LDLRAD4: variants seen among roughly 807,000 people sequenced by gnomAD.
The protein encoded by LDLRAD4 is low-density lipoprotein receptor class A domain-containing protein 4.
In LDLRAD4, 5 loss-of-function variants were observed where a neutral mutation model predicts 17.0. The observed-to-expected ratio is 0.29, with a 90% confidence interval of 0.15 to 0.62. The LOEUF is 0.62. LDLRAD4 is among the 20% of genes least tolerant of loss of function. The pLI, the probability that LDLRAD4 is intolerant of heterozygous loss-of-function variation, is 0.84. For missense variants in LDLRAD4, 340 were observed against 424.7 expected, an observed-to-expected ratio of 0.80 and a Z score of 1.75; for synonymous variants, 168 against 171.8, an observed-to-expected ratio of 0.98 and a Z score of 0.17.
intron 3 of LDLRAD4, among the ~76,000 whole-genome samples, chr18:13,507,364 T>A (rs1044876959): frequency 1.3e-5 from 2 of 152,206 alleles, no homozygotes; most frequent in Non-Finnish European, 2.9e-5. Flanking sequence ...ATATCATTCT[T>A]ATGCCTTTGC....
intron 3 of LDLRAD4, among the ~76,000 whole-genome samples, chr18:13,555,566 T>C (rs1456841887): frequency 6.6e-6 from 1 of 152,208 alleles, no homozygotes; most frequent in Non-Finnish European, 1.5e-5. Flanking sequence ...TAAAATGGGC[T>C]AGAAAATGCA....
At chr18:13,342,642 A>G (rs560589972) in intron 1 of LDLRAD4, among the ~76,000 whole-genome samples, 2 of 151,766 alleles carry the variant, frequency 1.3e-5, no homozygotes, top group African/African-American at 4.8e-5. Context: ...ATATTAGTAT[A>G]GCCACCACTG....
chr18:13,378,487 G>A (rs981846571), intron 1 of LDLRAD4, among the ~76,000 whole-genome samples: 6 of 152,146 alleles, frequency 3.9e-5, no homozygotes, highest in East Asian at 1.9e-4. Flanking sequence ...GAAAAGAGAC[G>A]GAAGAACAGC....
rs538090929 is a variant in LDLRAD4 at position 13,623,514 on chromosome 18, G to A, written c.336+2243G>A. On this transcript the variant is annotated intron_variant, in intron 4 of 5. Transcript: ENST00000359446. ...GGGAGCTGTCCCTCCTCGAGGTGTGGCTGTTCCTCCTACGGCTTCAGCGTA... is the reference window on the plus strand; with the variant it reads ...GGGAGCTGTCCCTCCTCGAGGTGTGACTGTTCCTCCTACGGCTTCAGCGTA... 7.9e-5 allele frequency among the ~76,000 whole-genome samples: 12 copies of A among 152,332 alleles called. No individual in the cohort carries two copies. The South Asian group carries it at 2.3e-3, about 29-fold the overall frequency.
At chr18:13,570,531 G>A (rs1264558390) in intron 3 of LDLRAD4, among the ~76,000 whole-genome samples, 2 of 152,210 alleles carry the variant, frequency 1.3e-5, no homozygotes, top group African/African-American at 2.4e-5. Flanking sequence ...GTCTCAGCCG[G>A]GGACCTCCTT....
intron 3 of LDLRAD4, among the ~76,000 whole-genome samples, chr18:13,463,614 C>G (rs2146610293): frequency 6.6e-6 from 1 of 152,276 alleles, no homozygotes; most frequent in African/African-American, 2.4e-5. Context: ...ACCTCATTCA[C>G]ACGATTCTGA....
intron 2 of LDLRAD4, among the ~76,000 whole-genome samples, chr18:13,413,493 C>T (rs1361112453): frequency 6.6e-6 from 1 of 152,162 alleles, no homozygotes; most frequent in East Asian, 1.9e-4. Flanking sequence ...TGTGATCAAT[C>T]GAGGCCTCAG....
chr18:13,230,386 G>GGA (rs941054057), intron 1 of LDLRAD4, among the ~76,000 whole-genome samples: 5 of 152,170 alleles, frequency 3.3e-5, no homozygotes, highest in African/African-American at 1.2e-4. Flanking sequence ...GAACAAACAG[G>GGA]GAAAGAGTAA....
intron 3 of LDLRAD4, among the ~76,000 whole-genome samples, chr18:13,449,835 A>G (rs544992623): frequency 5.3e-4 from 81 of 152,292 alleles, no homozygotes; most frequent in African/African-American, 1.9e-3. Flanking sequence ...AGGCCCTTGC[A>G]TGCCAGCTGT....
intron 4 of LDLRAD4, among the ~76,000 whole-genome samples, chr18:13,640,436 GC>G (rs1295706708): frequency 6.6e-6 from 1 of 152,046 alleles, no homozygotes; most frequent in African/African-American, 2.4e-5. Context: ...CCATCTCCAG[GC>G]CATCCCGTCT....
At chr18:13,427,837 C>T (rs1335552384) in intron 2 of LDLRAD4, among the ~76,000 whole-genome samples, 1 of 152,024 alleles carries the variant, frequency 6.6e-6, no homozygotes, top group Non-Finnish European at 1.5e-5. Context: ...TCTTTTATCT[C>T]CTTCCTGCCT....
chr18:13,558,851 C>A (rs1231973811), intron 3 of LDLRAD4, among the ~76,000 whole-genome samples: 1 of 152,202 alleles, frequency 6.6e-6, no homozygotes, highest in Non-Finnish European at 1.5e-5. Flanking sequence ...CAACAGTAAG[C>A]ATTACATAAC....
chr18:13,463,448 A>C (rs952123133), intron 3 of LDLRAD4, among the ~76,000 whole-genome samples: 1 of 152,218 alleles, frequency 6.6e-6, no homozygotes, highest in African/African-American at 2.4e-5. Flanking sequence ...CGTTGCCCTA[A>C]GTTAACACTA....
At chr18:13,240,090 T>C (rs1044610884) in intron 1 of LDLRAD4, 4 of 152,228 alleles carry the variant, frequency 2.6e-5, no homozygotes, top group Non-Finnish European at 4.4e-5. Flanking sequence ...GCCTTGGACA[T>C]AGAAACTCAT....
intron 3 of LDLRAD4, among the ~76,000 whole-genome samples, chr18:13,514,210 T>C (rs1016234382): frequency 9.2e-5 from 14 of 152,172 alleles, no homozygotes; most frequent in Non-Finnish European, 1.5e-4. Flanking sequence ...AAGTCCTGGG[T>C]TGTATCCTGA....
chr18:13,629,891 TC>T (rs771692588), intron 4 of LDLRAD4, among the ~76,000 whole-genome samples: 3 of 152,140 alleles, frequency 2.0e-5, no homozygotes, highest in Non-Finnish European at 2.9e-5. Context: ...CCCCAGCAGC[TC>T]TGTGACCTTG....
At chr18:13,243,345 AT>A (rs2042763748) in intron 1 of LDLRAD4, among the ~76,000 whole-genome samples, 1 of 152,104 alleles carries the variant, frequency 6.6e-6, no homozygotes, top group African/African-American at 2.4e-5. Context: ...TATGAGGAGG[AT>A]TAATGAGACA....
chr18:13,524,735 AG>A (rs1284612992), intron 3 of LDLRAD4, among the ~76,000 whole-genome samples: 2 of 152,206 alleles, frequency 1.3e-5, no homozygotes, highest in Non-Finnish European at 2.9e-5. Context: ...TGCGTATTTC[AG>A]CTCCCTGCAA....
chr18:13,478,091 C>T (rs1407501178), intron 3 of LDLRAD4, among the ~76,000 whole-genome samples: 1 of 152,212 alleles, frequency 6.6e-6, no homozygotes, highest in African/African-American at 2.4e-5. Flanking sequence ...TTCTCTGGAA[C>T]ATAGTCCATC....
Sources: gnomAD v4.1 joint callset for allele counts (sites outside exome capture counted in the v4.1 genomes callset) on GRCh38, gnomAD v4.1.1 for gene constraint, MANE v1.5 for transcripts, NCBI Gene and HGNC (gene_info 2026-07-23, HGNC 2026-07-21) for gene names.